The following PALM2AKAP2 variants were observed in gnomAD, a reference collection of about 807,000 sequenced individuals.
The protein encoded by PALM2AKAP2 is PALM2-AKAP2 fusion protein.
In PALM2AKAP2, 37 loss-of-function variants were observed where a neutral mutation model predicts 71.5. The ratio of observed to expected loss-of-function variants is 0.52; its 90% CI spans 0.40 to 0.68. PALM2AKAP2 has a LOEUF of 0.68. Ranked by LOEUF, PALM2AKAP2 falls within the 30% of genes least tolerant of loss-of-function variation. The pLI, the probability that PALM2AKAP2 is intolerant of heterozygous loss-of-function variation, is 0.00. For missense variants in PALM2AKAP2, 1,224 were observed against 1,191.8 expected (o/e 1.03, Z -0.40); for synonymous variants, 468 against 478.8 (o/e 0.98, Z 0.29).
At chr9:110,054,702 A>G (rs560845797) in intron 1 of PALM2AKAP2, among the ~76,000 whole-genome samples, 1 of 152,194 alleles carries the variant, frequency 6.6e-6, no homozygotes, top group South Asian at 2.1e-4. Flanking sequence ...CCTCTTGAGT[A>G]GCTGGGACTA....
chr9:110,092,161 G>A (rs1297299342), intron 1 of PALM2AKAP2, among the ~76,000 whole-genome samples: 1 of 152,198 alleles, frequency 6.6e-6, no homozygotes, highest in Admixed American at 6.5e-5. Flanking sequence ...GTGAAACTCC[G>A]TATCTACTAA....
At chr9:109,887,406 C>T (rs757192591) in intron 3 of PALM2AKAP2, among the ~76,000 whole-genome samples, 3 of 152,224 alleles carry the variant, frequency 2.0e-5, no homozygotes, top group Non-Finnish European at 2.9e-5. Flanking sequence ...CCCCACCCCA[C>T]GTTCAGCCAC....
At chr9:109,773,117 C>G (rs1265408203) in intron 1 of PALM2AKAP2, among the ~76,000 whole-genome samples, 1 of 145,374 alleles carries the variant, frequency 6.9e-6, no homozygotes, top group Non-Finnish European at 1.5e-5. Flanking sequence ...GACTCCATCT[C>G]AAAAAAAAAA....
chr9:109,719,019 G>T (rs1247900531), intron 1 of PALM2AKAP2, among the ~76,000 whole-genome samples: 1 of 152,068 alleles, frequency 6.6e-6, no homozygotes, highest in East Asian at 1.9e-4. Context: ...ATACTAACAG[G>T]AGTAAAATAA....
At chr9:110,095,011 GA>G (rs1358635608) in intron 1 of PALM2AKAP2, among the ~76,000 whole-genome samples, 1 of 152,176 alleles carries the variant, frequency 6.6e-6, no homozygotes, top group Non-Finnish European at 1.5e-5. Flanking sequence ...CCTCACTTCT[GA>G]CCATTACATT....
intron 1 of PALM2AKAP2, among the ~76,000 whole-genome samples, chr9:109,676,303 G>C (rs969148247): frequency 1.1e-4 from 16 of 152,134 alleles, no homozygotes; most frequent in African/African-American, 3.9e-4. Context: ...AGGAATTATT[G>C]TTTGTCCACT....
intron 1 of PALM2AKAP2, among the ~76,000 whole-genome samples, chr9:109,745,104 G>A (rs891170223): frequency 5.9e-5 from 9 of 152,120 alleles, no homozygotes; most frequent in Admixed American, 6.5e-5. Context: ...CATTTTCAGA[G>A]CCCAGCGATT....
At chr9:110,033,193 GT>G (rs1261263758) in intron 7 of PALM2AKAP2, among the ~76,000 whole-genome samples, 2 of 152,160 alleles carry the variant, frequency 1.3e-5, no homozygotes, top group Non-Finnish European at 2.9e-5. Flanking sequence ...AAGTTTCTAA[GT>G]TTATATTAAG....
intron 5 of PALM2AKAP2, among the ~76,000 whole-genome samples, chr9:109,929,667 A>C (rs1831045406): frequency 1.3e-5 from 2 of 151,926 alleles, no homozygotes; most frequent in African/African-American, 4.8e-5. Context: ...GATCGAGACC[A>C]TCCTGGCTAA....
At chr9:110,162,906 C>T (rs1836638044) in intron 3 of PALM2AKAP2, among the ~76,000 whole-genome samples, 1 of 151,750 alleles carries the variant, frequency 6.6e-6, no homozygotes, top group South Asian at 2.1e-4. Flanking sequence ...GGACGGGGGT[C>T]TCGCTATGTT....
At chr9:109,807,565 T>G (rs1382794342) in intron 1 of PALM2AKAP2, among the ~76,000 whole-genome samples, 2 of 151,796 alleles carry the variant, frequency 1.3e-5, no homozygotes, top group African/African-American at 4.8e-5. Flanking sequence ...GGACCTTTTT[T>G]TTTTTTTTGT....
intron 1 of PALM2AKAP2, among the ~76,000 whole-genome samples, chr9:109,795,556 T>G (rs1332273009): frequency 6.6e-6 from 1 of 152,248 alleles, no homozygotes; most frequent in Non-Finnish European, 1.5e-5. Context: ...GAACTCTAAC[T>G]GATAGAAAGT....
At chr9:109,868,964 T>C (rs916161017) in intron 2 of PALM2AKAP2, among the ~76,000 whole-genome samples, 13 of 152,248 alleles carry the variant, frequency 8.5e-5, no homozygotes, top group Non-Finnish European at 4.4e-5. Context: ...AAGGTCAATC[T>C]GCACAGAGCT....
Position 109,923,730 on chromosome 9 carries a change from TCCAGG to T in PALM2AKAP2, c.258-3_259del. 6.3e-7 allele frequency: 1 copy of T among 1,588,526 alleles called. No homozygotes were observed. The highest frequency in any genetic ancestry group is 8.5e-7 in the Non-Finnish European group (1 of 1,171,100). On this transcript the variant is annotated splice_acceptor_variant and splice_polypyrimidine_tract_variant and coding_sequence_variant and intron_variant, in exon 4 of 10. Transcript: ENST00000302798. LOFTEE classifies it high-confidence loss of function. The stretch of plus-strand genomic sequence containing the variant: ...TAACTTGTCCTTTGTTTGTGTGTTT[TCCAGG>T]CTGGAGCAAGAAATACAAACGCTAG...
At chr9:109,997,305 G>A (rs938365251) in intron 6 of PALM2AKAP2, among the ~76,000 whole-genome samples, 1 of 152,164 alleles carries the variant, frequency 6.6e-6, no homozygotes, top group Non-Finnish European at 1.5e-5. Flanking sequence ...CATCTGCAGA[G>A]CGGGGATAAT....
intron 1 of PALM2AKAP2, among the ~76,000 whole-genome samples, chr9:110,125,858 T>G: frequency 6.6e-6 from 1 of 152,004 alleles, no homozygotes; most frequent in South Asian, 2.1e-4. Context: ...CCTGCACATA[T>G]AGTGCAAAGC....
intron 2 of PALM2AKAP2, among the ~76,000 whole-genome samples, chr9:109,876,773 C>T (rs1181018980): frequency 1.3e-5 from 2 of 152,214 alleles, no homozygotes; most frequent in African/African-American, 4.8e-5. Flanking sequence ...AGCCACCACA[C>T]CCAGCCCCAC....
In PALM2AKAP2 at chr9:109,854,011, G is replaced by A. The variant is rs574892611; in HGVS notation, c.46-13480G>A. 8.5e-5 allele frequency among the ~76,000 whole-genome samples: 13 copies of A among 152,320 alleles called. 1 individual carries two copies. In the South Asian group the frequency reaches 1.7e-3, roughly 19 times the overall value. On this transcript the variant is annotated intron_variant, in intron 1 of 9. Coordinates refer to the PALM2AKAP2 transcript ENST00000302798. ...AGAGCAGGGCTCAGCCAAGCACATG[G>A]TGCTGGCAGGACACTTGGAGCTGTC...
At chr9:109,893,871 C>CT in intron 3 of PALM2AKAP2, among the ~76,000 whole-genome samples, 1 of 152,216 alleles carries the variant, frequency 6.6e-6, no homozygotes, top group East Asian at 1.9e-4. Flanking sequence ...GGAAGAGTAG[C>CT]TAACACTTAG....
Sources: allele counts gnomAD v4.1 joint callset (sites outside exome capture counted in the v4.1 genomes callset), GRCh38; gene constraint gnomAD v4.1.1; transcripts MANE v1.5; gene names NCBI Gene and HGNC (gene_info 2026-07-23, HGNC 2026-07-21).